NALF1: variants seen among roughly 807,000 people sequenced by gnomAD.
NALF1 encodes the protein NALCN channel auxiliary factor 1, also known as family with sequence similarity 155 member A.
A neutral mutation model predicts 48.4 loss-of-function variants in NALF1; 3 were observed. That is an observed-to-expected ratio of 0.06 (90% CI 0.03 to 0.16). NALF1 has a LOEUF of 0.16. NALF1 is among the 10% of genes least tolerant of loss of function. The pLI, the probability that NALF1 is intolerant of heterozygous loss-of-function variation, is 1.00. For synonymous variants in NALF1, 262 were observed against 245.7 expected (o/e 1.07, Z -0.62); for missense variants, 526 against 571.5 (o/e 0.92, Z 0.81).
At chr13:107,841,572 G>T (rs2138635331) in intron 1 of NALF1, among the ~76,000 whole-genome samples, 1 of 151,840 alleles carries the variant, frequency 6.6e-6, no homozygotes, top group Admixed American at 6.6e-5. Flanking sequence ...TCTTCCCAGA[G>T]ATAGTTACTC....
intron 1 of NALF1, among the ~76,000 whole-genome samples, chr13:107,448,531 AGGGTAAT>A (rs1306892000): frequency 2.0e-5 from 3 of 152,204 alleles, no homozygotes; most frequent in African/African-American, 7.2e-5. Flanking sequence ...AGTTTTGGGA[AGGGTAAT>A]GTCCAGGAGG....
chr13:107,343,446 A>C (rs1167002075), intron 1 of NALF1, among the ~76,000 whole-genome samples: 1 of 152,144 alleles, frequency 6.6e-6, no homozygotes, highest in Non-Finnish European at 1.5e-5. Flanking sequence ...GTCTCACAAG[A>C]TCTGATGGTT....
At chr13:107,644,634 C>T (rs1277486544) in intron 1 of NALF1, among the ~76,000 whole-genome samples, 4 of 52,444 alleles carry the variant, frequency 7.6e-5, no homozygotes, top group Non-Finnish European at 1.6e-4. Flanking sequence ...TGTATACATA[C>T]ATACATACAT....
intron 1 of NALF1, among the ~76,000 whole-genome samples, chr13:107,761,226 A>G (rs979173721): frequency 7.2e-5 from 11 of 152,046 alleles, no homozygotes; most frequent in Admixed American, 1.3e-4. Context: ...GCATGGTGGC[A>G]GGCGCCTGTA....
At chr13:107,476,840 T>C (rs968297653) in intron 1 of NALF1, among the ~76,000 whole-genome samples, 1 of 152,118 alleles carries the variant, frequency 6.6e-6, no homozygotes, top group Admixed American at 6.6e-5. Flanking sequence ...AGTGTTCTTC[T>C]AATGAGCCAA....
At chr13:107,639,487 G>C (rs1439326937) in intron 1 of NALF1, among the ~76,000 whole-genome samples, 6 of 152,128 alleles carry the variant, frequency 3.9e-5, no homozygotes, top group Admixed American at 3.9e-4. Context: ...AAAAAAGTCA[G>C]CTAAATTTGT....
At chr13:107,205,513 C>T (rs959031764) in intron 2 of NALF1, among the ~76,000 whole-genome samples, 1 of 152,106 alleles carries the variant, frequency 6.6e-6, no homozygotes, top group Admixed American at 6.6e-5. Context: ...GCGCCCATCT[C>T]CCATTGCAGC....
At chr13:107,634,703 C>A (rs760641548) in intron 1 of NALF1, among the ~76,000 whole-genome samples, 5 of 151,936 alleles carry the variant, frequency 3.3e-5, no homozygotes, top group Non-Finnish European at 7.4e-5. Flanking sequence ...TAAGAAGGAG[C>A]AGAGGCAGAA....
intron 1 of NALF1, among the ~76,000 whole-genome samples, chr13:107,598,488 T>C (rs1306200274): frequency 6.6e-6 from 1 of 152,170 alleles, no homozygotes; most frequent in East Asian, 1.9e-4. Flanking sequence ...TAGACCCAGT[T>C]GCTAAGGAAA....
chr13:107,397,584 G>A (rs1883733097), intron 1 of NALF1, among the ~76,000 whole-genome samples: 1 of 152,026 alleles, frequency 6.6e-6, no homozygotes, highest in Non-Finnish European at 1.5e-5. Flanking sequence ...AGTCTGCCCT[G>A]GTTTCTGTCC....
rs61444053 is a variant in NALF1 at position 107,827,892 on chromosome 13, T to A, written c.915+37790A>T. ...ATTTTGGAAAGGGCGATTAAAAACA[T>A]GTCTTCTAGCACAAAAATGAGAAGA... On this transcript the variant is annotated intron_variant, in intron 1 of 2. Transcript: ENST00000375915. Among the ~76,000 whole-genome samples the A allele has an allele frequency of 2.4e-3, 362 of 152,312 alleles. 3 individuals are homozygous for A. The highest frequency in any genetic ancestry group is 7.8e-3 in the African/African-American group (323 of 41,566).
chr13:107,551,870 T>C (rs1004564760), intron 1 of NALF1, among the ~76,000 whole-genome samples: 6 of 152,162 alleles, frequency 3.9e-5, no homozygotes, highest in African/African-American at 1.4e-4. Flanking sequence ...CCTCTTAGAG[T>C]TATTCTTCAG....
At chr13:107,703,740 G>C (rs760513912) in intron 1 of NALF1, among the ~76,000 whole-genome samples, 3 of 151,866 alleles carry the variant, frequency 2.0e-5, no homozygotes, top group Middle Eastern at 3.4e-3. Flanking sequence ...TTTTTCCCCC[G>C]GAGTCCTTCA....
In NALF1 at chr13:107,486,191, CT is replaced by C. The variant is rs200553020; in HGVS notation, c.916-275437del. 2.6e-5 allele frequency among the ~76,000 whole-genome samples: 4 copies of C among 152,254 alleles called. No individual in the cohort carries two copies. The East Asian group carries it at 7.8e-4, about 30-fold the overall frequency. On this transcript the variant is annotated intron_variant, in intron 1 of 2. Transcript: ENST00000375915. ...CAACGTTAACAAGGTTCGGTTTCCT[CT>C]TGGCCAAGATTGCACACACACAGGA...
chr13:107,654,997 C>A (rs1030819430), intron 1 of NALF1, among the ~76,000 whole-genome samples: 1 of 151,970 alleles, frequency 6.6e-6, no homozygotes, highest in Non-Finnish European at 1.5e-5. Context: ...AGGGACATAC[C>A]TTAAGGTAAT....
At chr13:107,631,833 T>G (rs987148049) in intron 1 of NALF1, among the ~76,000 whole-genome samples, 8 of 152,266 alleles carry the variant, frequency 5.3e-5, no homozygotes, top group African/African-American at 1.9e-4. Flanking sequence ...CATGAGTACC[T>G]TTTTATTTTT....
chr13:107,639,205 T>A (rs774343005), intron 1 of NALF1, among the ~76,000 whole-genome samples: 53 of 152,308 alleles, frequency 3.5e-4, no homozygotes, highest in Non-Finnish European at 6.3e-4. Flanking sequence ...GCAGCTCAAC[T>A]GACTTGCAAG....
intron 1 of NALF1, among the ~76,000 whole-genome samples, chr13:107,770,678 T>C (rs981832155): frequency 1.3e-5 from 2 of 152,178 alleles, no homozygotes; most frequent in Non-Finnish European, 2.9e-5. Context: ...ACTAACAGCC[T>C]TTTGAGAGCT....
At chr13:107,700,867 T>A (rs780956380) in intron 1 of NALF1, among the ~76,000 whole-genome samples, 9 of 152,176 alleles carry the variant, frequency 5.9e-5, no homozygotes, top group Middle Eastern at 3.4e-3. Context: ...AACATAACAA[T>A]GTCCAACAGA....
Sources: allele counts gnomAD v4.1 joint callset (sites outside exome capture counted in the v4.1 genomes callset), GRCh38; gene constraint gnomAD v4.1.1; transcripts MANE v1.5; gene names NCBI Gene and HGNC (gene_info 2026-07-23, HGNC 2026-07-21).